SLC5A12: variants seen among roughly 807,000 people sequenced by gnomAD.
The protein encoded by SLC5A12 is sodium-coupled monocarboxylate transporter 2.
Under a neutral mutation model 72.7 loss-of-function variants are expected in SLC5A12, and 46 were observed. The ratio of observed to expected loss-of-function variants is 0.63; its 90% CI spans 0.50 to 0.81. The LOEUF is 0.81. SLC5A12 is among the 30% of genes least tolerant of loss of function. The pLI is 0.00. For synonymous variants in SLC5A12, 275 were observed against 264.4 expected (o/e 1.04, Z -0.39); for missense variants, 683 against 740.7 (o/e 0.92, Z 0.90).
intron 9 of SLC5A12, chr11:26,692,286 C>A: frequency 1.8e-6 from 1 of 554,038 alleles, no homozygotes; most frequent in Non-Finnish European, 3.2e-6. Context: ...AAAATAAAGG[C>A]AGTTAAGGTA....
intron 1 of SLC5A12, among the ~76,000 whole-genome samples, chr11:26,716,834 TC>T (rs1052060068): frequency 1.9e-4 from 29 of 152,116 alleles, no homozygotes; most frequent in Admixed American, 1.2e-3. Context: ...CCCAATTACC[TC>T]CCCGCTTCAG....
intron 4 of SLC5A12, among the ~76,000 whole-genome samples, chr11:26,707,569 T>C (rs1360833828): frequency 6.6e-6 from 1 of 152,030 alleles, no homozygotes. Flanking sequence ...ATACTCATTG[T>C]CTCTTCAAAT....
At chr11:26,719,766 T>C (rs996554670) in intron 1 of SLC5A12, among the ~76,000 whole-genome samples, 1 of 152,202 alleles carries the variant, frequency 6.6e-6, no homozygotes, top group Admixed American at 6.5e-5. Flanking sequence ...AATATGGACA[T>C]TCTCTACTCA....
At chr11:26,674,708 T>C (rs1231746561) in intron 13 of SLC5A12, among the ~76,000 whole-genome samples, 1 of 152,154 alleles carries the variant, frequency 6.6e-6, no homozygotes, top group Non-Finnish European at 1.5e-5. Context: ...TGGCCCAAAA[T>C]GTGGATTTTT....
rs537905205 is a variant in SLC5A12 at position 26,721,796 on chromosome 11, G to A, written c.-82C>T. 9 of 1,221,346 alleles carry A rather than the reference G, an allele frequency of 7.4e-6. No individual in the cohort carries two copies. In the Admixed American group the frequency reaches 1.5e-4, roughly 20 times the overall value. The allele number at this position is 1,221,346 out of a possible 1,614,324, so 75.7% of individuals were successfully genotyped here. A position where few individuals can be genotyped will look rare whatever the true frequency, so the allele number is the denominator to read the frequency against. The stretch of plus-strand genomic sequence containing the variant: ...TTCCAAAAGCAAAGTTCAGTACAGT[G>A]GATGCTTTGCTGAGAGGAGAGACTG... On this transcript the variant is annotated 5_prime_UTR_variant, in exon 1 of 15. Coordinates refer to ENST00000396005, the MANE Select transcript of SLC5A12 (RefSeq NM_178498.4).
intron 1 of SLC5A12, among the ~76,000 whole-genome samples, chr11:26,717,720 G>T (rs1211737618): frequency 6.6e-6 from 1 of 152,108 alleles, no homozygotes; most frequent in Non-Finnish European, 1.5e-5. Flanking sequence ...GGTCAGGCTG[G>T]GTGATCTCTC....
At chr11:26,714,840 A>G (rs1855312457) in intron 1 of SLC5A12, among the ~76,000 whole-genome samples, 1 of 152,098 alleles carries the variant, frequency 6.6e-6, no homozygotes. Flanking sequence ...ATCCTGCCAG[A>G]TTCTCCCAAA....
At position 26,718,620 on chromosome 11, in the gene SLC5A12, T is replaced by TTG. The variant is rs10578471; in HGVS notation, c.339+2754_339+2755dup. Among the ~76,000 whole-genome samples the TTG allele has an allele frequency of 3.9e-3, 580 of 149,646 alleles. 4 individuals carry two copies. The highest frequency in any genetic ancestry group is 0.014 in the African/African-American group (549 of 40,544). ...TGTGCGCCACCATGCCTGGCTAATT[T>TTG]TGTGTGTGTGTGTGTGTGTGTGTGT... On this transcript the variant is annotated intron_variant, in intron 1 of 14. Transcript: ENST00000396005.
chr11:26,717,354 A>C (rs1452106961), intron 1 of SLC5A12, among the ~76,000 whole-genome samples: 1 of 152,218 alleles, frequency 6.6e-6, no homozygotes, highest in African/African-American at 2.4e-5. Context: ...ATAAGCCAAT[A>C]TTAAATTAGG....
intron 9 of SLC5A12, among the ~76,000 whole-genome samples, chr11:26,689,090 CAAAAA>C (rs36100337): frequency 1.8e-5 from 2 of 111,340 alleles, no homozygotes; most frequent in African/African-American, 3.6e-5. Flanking sequence ...AAGGACGTTA[CAAAAA>C]AAAAAAAAAA....
intron 10 of SLC5A12, among the ~76,000 whole-genome samples, chr11:26,686,178 A>G (rs7940432): frequency 0.51 from 77,278 of 152,002 alleles, 20,734 homozygotes; most frequent in Non-Finnish European, 0.62. Context: ...TTCTCAGATC[A>G]GAATTTTTAA....
rs762742946 is a variant in SLC5A12 at position 26,712,638 on chromosome 11, T to C, written c.405+3A>G. 3 of 1,539,008 alleles carry C rather than the reference T, an allele frequency of 1.9e-6. No homozygotes were observed. The highest frequency in any genetic ancestry group is 2.7e-6 in the Non-Finnish European group (3 of 1,127,234). ...CACATCTGCAGCAGCCATGACCACT[T>C]ACCGTCTGTACAATGTAGATGACCG... On this transcript the variant is annotated splice_donor_region_variant and intron_variant, in intron 2 of 14. Transcript: ENST00000396005.
chr11:26,676,826 A>G (rs1021136544), intron 13 of SLC5A12, among the ~76,000 whole-genome samples: 2 of 152,184 alleles, frequency 1.3e-5, no homozygotes, highest in Admixed American at 1.3e-4. Flanking sequence ...ACATGATTCT[A>G]TGTGTCAACA....
At position 26,674,377 on chromosome 11, in the gene SLC5A12, C is replaced by CAAAA. The variant is rs142621833; in HGVS notation, c.1580-852_1580-849dup. 5.5e-5 allele frequency among the ~76,000 whole-genome samples: 8 copies of CAAAA among 145,848 alleles called. 1 individual carries two copies. Among genetic ancestry groups the CAAAA allele is most frequent in the Admixed American group, 6.8e-5 (1 of 14,678 alleles). On this transcript the variant is annotated intron_variant, in intron 13 of 14. Transcript: ENST00000396005. The stretch of plus-strand genomic sequence containing the variant: ...TTTTTCTCAAACTGCTTTCTAGAGA[C>CAAAA]AAAAAAAATAAAAAAATGTAGATTT...
chr11:26,697,821 G>C (rs1222591218), intron 7 of SLC5A12, among the ~76,000 whole-genome samples: 2 of 150,144 alleles, frequency 1.3e-5, no homozygotes, highest in African/African-American at 4.9e-5. Context: ...CATGGTTCAA[G>C]CCTGCATTCC....
chr11:26,723,105 T>TA (rs1017387319), upstream of SLC5A12, among the ~76,000 whole-genome samples: 12 of 151,322 alleles, frequency 7.9e-5, no homozygotes, highest in East Asian at 5.8e-4. Context: ...TTGTAGAAAA[T>TA]AAAAAAAATA....
intron 11 of SLC5A12, among the ~76,000 whole-genome samples, 193 bp from the exon 12 acceptor site, chr11:26,681,414 T>C (rs1188358822): frequency 1.3e-5 from 2 of 152,152 alleles, no homozygotes; most frequent in Non-Finnish European, 2.9e-5. Flanking sequence ...GAGTGACTTG[T>C]TCTTTAAATG....
chr11:26,688,892 G>C (rs558054923), intron 9 of SLC5A12, among the ~76,000 whole-genome samples: 2 of 152,200 alleles, frequency 1.3e-5, no homozygotes, highest in Admixed American at 6.5e-5. Context: ...GAAGACTTGT[G>C]CAAGAGTATT....
chr11:26,701,759 TAA>T (rs1212290006), intron 6 of SLC5A12, among the ~76,000 whole-genome samples: 1 of 152,120 alleles, frequency 6.6e-6, no homozygotes, highest in Non-Finnish European at 1.5e-5. Flanking sequence ...TATACGTATA[TAA>T]GTGTATACAC....
Sources: gnomAD v4.1 joint callset for allele counts (sites outside exome capture counted in the v4.1 genomes callset) on GRCh38, gnomAD v4.1.1 for gene constraint, MANE v1.5 for transcripts, NCBI Gene and HGNC (gene_info 2026-07-23, HGNC 2026-07-21) for gene names.